Variants in RUNX1 observed in about 807,000 individuals in gnomAD.
RUNX1 encodes the protein runt-related transcription factor 1.
In RUNX1, 19 loss-of-function variants were observed where a neutral mutation model predicts 42.8. That is an observed-to-expected ratio of 0.44 (90% confidence interval 0.31 to 0.65). The LOEUF (loss-of-function observed/expected upper bound fraction) is 0.65, where lower values mean the gene tolerates loss of function less well. Ranked by LOEUF, RUNX1 falls within the 30% of genes least tolerant of loss-of-function variation. The probability of loss-of-function intolerance (pLI) is 0.07; values close to 1 mark genes in which losing one functional copy is unlikely to be tolerated. For synonymous variants in RUNX1, 271 were observed against 289.4 expected, an observed-to-expected ratio of 0.94 and a Z score of 0.64; for missense variants, 528 against 672.0, an observed-to-expected ratio of 0.79 and a Z score of 2.37.
At chr21:35,007,952 G>A (rs2059097468) in intron 2 of RUNX1, among the ~76,000 whole-genome samples, 1 of 152,030 alleles carries the variant, frequency 6.6e-6, no homozygotes, top group South Asian at 2.1e-4. Context: ...CCATTTTATG[G>A]ATCCAGGTTT....
intron 5 of RUNX1, among the ~76,000 whole-genome samples, chr21:34,871,244 C>T (rs997659272): frequency 3.9e-5 from 6 of 152,218 alleles, no homozygotes; most frequent in Non-Finnish European, 7.3e-5. Context: ...CCTACAGCAA[C>T]TCGTGAGCTC....
At chr21:35,038,182 A>G (rs2059323915) in intron 2 of RUNX1, among the ~76,000 whole-genome samples, 1 of 152,142 alleles carries the variant, frequency 6.6e-6, no homozygotes, top group Non-Finnish European at 1.5e-5. Flanking sequence ...GGTTCGATAA[A>G]TGGCTCAAGT....
intron 7 of RUNX1, among the ~76,000 whole-genome samples, chr21:34,815,033 C>A (rs1297984572): frequency 6.6e-6 from 1 of 150,782 alleles, no homozygotes; most frequent in Non-Finnish European, 1.5e-5. Flanking sequence ...TGGAAATGAA[C>A]AACCTTTCCA....
In RUNX1 at chr21:34,902,598, A is replaced by C. The variant is rs771902125; in HGVS notation, c.59-9635T>G. Among the ~76,000 whole-genome samples, 11 of 152,234 alleles carry C rather than the reference A, an allele frequency of 7.2e-5. No homozygotes were observed. In the East Asian group the frequency reaches 9.6e-4, roughly 13 times the overall value. The stretch of plus-strand genomic sequence containing the variant: ...AATCATTCACTCAGATTCCAAATTC[A>C]AAATTTAAGATTTAGAGTTATTGAT... On this transcript the variant is annotated intron_variant, in intron 2 of 8. Coordinates refer to ENST00000675419, the MANE Select transcript of RUNX1 (RefSeq NM_001754.5).
At chr21:34,880,838 GAATAGC>G (rs568811833) in intron 4 of RUNX1, 125 bp from the exon 5 acceptor site, 43 of 950,108 alleles carry the variant, frequency 4.5e-5, no homozygotes, top group East Asian at 4.2e-4. Flanking sequence ...GGTTGCAGAG[GAATAGC>G]AATGATAACT....
chr21:34,946,862 T>G (rs1009046940), intron 2 of RUNX1, among the ~76,000 whole-genome samples: 1 of 152,236 alleles, frequency 6.6e-6, no homozygotes, highest in African/African-American at 2.4e-5. Context: ...AGGCATCACA[T>G]GTCGCTGAGC....
Position 34,901,729 on chromosome 21 carries a change from C to T in RUNX1, c.59-8766G>A, listed in dbSNP as rs1462919872. On this transcript the variant is annotated intron_variant, in intron 2 of 8. Transcript: ENST00000675419. This position sits in a 1 kb window ranked among gnomAD's most constrained non-coding sequence, Gnocchi z 4.3. ...AGAGATAGACTGAGAAGTCACTCTC[C>T]ACATGAAACCAGTCTTCTCTTCGAG... 6.6e-6 allele frequency among the ~76,000 whole-genome samples: 1 copy of T among 152,120 alleles called. No individual in the cohort carries two copies. Among genetic ancestry groups the T allele is most frequent in the East Asian group, 1.9e-4 (1 of 5,182 alleles).
intron 2 of RUNX1, among the ~76,000 whole-genome samples, chr21:34,964,968 A>G (rs548480466): frequency 6.6e-6 from 1 of 151,656 alleles, no homozygotes; most frequent in African/African-American, 2.4e-5. Context: ...ACTCATTCAC[A>G]CACGCACCCT....
At chr21:34,928,225 T>C (rs1411932840) in intron 2 of RUNX1, among the ~76,000 whole-genome samples, 1 of 152,186 alleles carries the variant, frequency 6.6e-6, no homozygotes, top group Non-Finnish European at 1.5e-5. Context: ...TGTAGAGTTA[T>C]GGAACGTTTA....
chr21:34,849,341 T>TATAG (rs2057370826), intron 6 of RUNX1, among the ~76,000 whole-genome samples: 2 of 39,490 alleles, frequency 5.1e-5, no homozygotes, highest in African/African-American at 1.7e-4. Flanking sequence ...ACTATATATA[T>TATAG]TATATATAGT....
chr21:34,802,087 G>T (rs889256428), intron 7 of RUNX1, among the ~76,000 whole-genome samples: 3 of 152,192 alleles, frequency 2.0e-5, no homozygotes, highest in Admixed American at 2.0e-4. Context: ...CAGAGTCAGG[G>T]AAGAATCAGA....
chr21:34,862,946 C>T (rs1030245643), intron 5 of RUNX1, among the ~76,000 whole-genome samples: 2 of 152,164 alleles, frequency 1.3e-5, no homozygotes, highest in African/African-American at 2.4e-5. Flanking sequence ...ACGCTATCCA[C>T]GACTACCCAA....
At chr21:34,928,288 T>TC (rs2058411473) in intron 2 of RUNX1, among the ~76,000 whole-genome samples, 1 of 152,176 alleles carries the variant, frequency 6.6e-6, no homozygotes, top group Non-Finnish European at 1.5e-5. Context: ...GCTCTAGGTT[T>TC]ATACTGAGTT....
intron 2 of RUNX1, among the ~76,000 whole-genome samples, chr21:35,000,846 G>A (rs2059036758): frequency 2.0e-5 from 3 of 152,180 alleles, no homozygotes; most frequent in East Asian, 1.9e-4. Flanking sequence ...CCCTGCACAC[G>A]CAGGGAACAC....
At chr21:35,004,504 C>T (rs1291269218) in intron 2 of RUNX1, among the ~76,000 whole-genome samples, 1 of 152,212 alleles carries the variant, frequency 6.6e-6, no homozygotes, top group African/African-American at 2.4e-5. Context: ...ACGACAATTT[C>T]AGGACCTAGC....
At chr21:35,047,553 A>ACTCTCTCTCT (rs1263740642) in intron 2 of RUNX1, among the ~76,000 whole-genome samples, 2 of 90,006 alleles carry the variant, frequency 2.2e-5, no homozygotes, top group East Asian at 3.0e-4. Context: ...ACACACACAC[A>ACTCTCTCTCT]CACACACACT....
intron 2 of RUNX1, among the ~76,000 whole-genome samples, chr21:34,955,937 T>C (rs2058640814): frequency 1.3e-5 from 2 of 152,242 alleles, no homozygotes; most frequent in South Asian, 4.1e-4. Context: ...AAGAGGAGTT[T>C]GGCTCAAATT....
At chr21:35,020,271 T>A (rs1460982965) in intron 2 of RUNX1, among the ~76,000 whole-genome samples, 2 of 151,962 alleles carry the variant, frequency 1.3e-5, no homozygotes, top group African/African-American at 4.8e-5. Context: ...AAAAGAATGA[T>A]CCCTTGAGCA....
intron 2 of RUNX1, among the ~76,000 whole-genome samples, chr21:35,008,696 G>A (rs1310540869): frequency 6.6e-6 from 1 of 152,236 alleles, no homozygotes; most frequent in African/African-American, 2.4e-5. Flanking sequence ...ACATGCTCAA[G>A]CATGGTTAAT....
Sources: gnomAD v4.1 joint callset for allele counts (sites outside exome capture counted in the v4.1 genomes callset) on GRCh38, gnomAD v4.1.1 for gene constraint, Gnocchi (gnomAD v3.1) non-coding constraint, MANE v1.5 for transcripts, NCBI Gene and HGNC (gene_info 2026-07-23, HGNC 2026-07-21) for gene names.